The following MGAT4C variants were observed in gnomAD, a reference collection of about 807,000 sequenced individuals.
The protein encoded by MGAT4C is MGAT4 family member C.
In MGAT4C, 19 loss-of-function variants were observed where a neutral mutation model predicts 40.1. The observed-to-expected ratio is 0.47, with a 90% confidence interval of 0.33 to 0.70. The LOEUF (loss-of-function observed/expected upper bound fraction) is 0.70, where lower values mean the gene tolerates loss of function less well. Among genes scored for constraint, MGAT4C ranks in the 30% least tolerant of loss-of-function variants. The pLI is 0.02. For missense variants in MGAT4C, 491 were observed against 563.2 expected, an observed-to-expected ratio of 0.87 and a Z score of 1.30; for synonymous variants, 181 against 187.1, an observed-to-expected ratio of 0.97 and a Z score of 0.27.
At chr12:86,351,009 A>G (rs1186449913) in intron 3 of MGAT4C, among the ~76,000 whole-genome samples, 1 of 151,610 alleles carries the variant, frequency 6.6e-6, no homozygotes, top group Non-Finnish European at 1.5e-5. Context: ...CAAATATATG[A>G]TATGGAATAT....
intron 4 of MGAT4C, among the ~76,000 whole-genome samples, chr12:86,285,715 T>A (rs906885777): frequency 2.0e-5 from 3 of 151,996 alleles, no homozygotes; most frequent in African/African-American, 7.2e-5. Context: ...TAGAGATGTA[T>A]GTAAAGATCT....
intron 2 of MGAT4C, among the ~76,000 whole-genome samples, chr12:86,626,469 T>G (rs968798104): frequency 1.2e-4 from 19 of 152,174 alleles, no homozygotes; most frequent in Admixed American, 1.2e-3. Context: ...ATTAAACAAC[T>G]TATGCTGTTG....
At chr12:86,739,343 G>T (rs17014163) in intron 1 of MGAT4C, among the ~76,000 whole-genome samples, 63,420 of 149,990 alleles carry the variant, frequency 0.42, 13,627 homozygotes, top group African/African-American at 0.48. Flanking sequence ...TCAAATACAT[G>T]TTTATTCAAC....
intron 1 of MGAT4C, among the ~76,000 whole-genome samples, chr12:86,727,480 G>A (rs1323136231): frequency 6.6e-6 from 1 of 151,880 alleles, no homozygotes; most frequent in Admixed American, 6.6e-5. Flanking sequence ...TCCAGGAAAT[G>A]TTCTCAGATT....
chr12:86,152,700 A>G (rs897969427), intron 1 of MGAT4C, among the ~76,000 whole-genome samples: 1 of 152,198 alleles, frequency 6.6e-6, no homozygotes, highest in African/African-American at 2.4e-5. Flanking sequence ...GTATTTAGTG[A>G]TTTAGCAAGT....
chr12:86,763,442 A>C (rs1184540862), intron 1 of MGAT4C, among the ~76,000 whole-genome samples: 1 of 152,152 alleles, frequency 6.6e-6, no homozygotes, highest in Non-Finnish European at 1.5e-5. Flanking sequence ...ATATCATATT[A>C]ATGTGTTTCA....
At chr12:86,307,796 G>A (rs1470032205) in intron 4 of MGAT4C, among the ~76,000 whole-genome samples, 2 of 149,794 alleles carry the variant, frequency 1.3e-5, no homozygotes, top group Admixed American at 6.6e-5. Context: ...TCCACCTCCC[G>A]GGTTCACGCC....
intron 1 of MGAT4C, among the ~76,000 whole-genome samples, chr12:86,195,357 T>C (rs1405877608): frequency 6.6e-6 from 1 of 152,152 alleles, no homozygotes. Context: ...TAGGCCAGTC[T>C]TTCTTATTGG....
intron 2 of MGAT4C, among the ~76,000 whole-genome samples, chr12:86,489,539 C>T (rs1161045875): frequency 1.3e-5 from 2 of 152,224 alleles, no homozygotes. Flanking sequence ...CTGTGGACAG[C>T]AGACCTAAAA....
chr12:86,575,973 C>T (rs147305214), intron 2 of MGAT4C, among the ~76,000 whole-genome samples: 94 of 151,894 alleles, frequency 6.2e-4, no homozygotes, highest in African/African-American at 2.1e-3. Flanking sequence ...CCCATTTACC[C>T]ACATCCTTAT....
chr12:86,519,095 G>A (rs1308139544), intron 2 of MGAT4C, among the ~76,000 whole-genome samples: 1 of 152,116 alleles, frequency 6.6e-6, no homozygotes, highest in Non-Finnish European at 1.5e-5. Flanking sequence ...TGGTGAGATC[G>A]AAATTTTTAT....
At chr12:86,567,509 A>G (rs1424529837) in intron 2 of MGAT4C, among the ~76,000 whole-genome samples, 1 of 152,180 alleles carries the variant, frequency 6.6e-6, no homozygotes, top group African/African-American at 2.4e-5. Context: ...TATCAGTGGA[A>G]TACAGGAGAT....
intron 2 of MGAT4C, among the ~76,000 whole-genome samples, chr12:86,710,478 CTT>C (rs1248792183): frequency 6.6e-6 from 1 of 152,106 alleles, no homozygotes; most frequent in Non-Finnish European, 1.5e-5. Flanking sequence ...TTTATTGACT[CTT>C]TTGACTTTTT....
chr12:86,735,429 A>C (rs1431498900), intron 1 of MGAT4C, among the ~76,000 whole-genome samples: 1 of 151,876 alleles, frequency 6.6e-6, no homozygotes, highest in Non-Finnish European at 1.5e-5. Context: ...GGAGGTAGAC[A>C]CGGAAGCCAG....
At chr12:86,074,133 T>C (rs1869170995) in intron 1 of MGAT4C, among the ~76,000 whole-genome samples, 1 of 152,134 alleles carries the variant, frequency 6.6e-6, no homozygotes, top group Non-Finnish European at 1.5e-5. Context: ...CGCTTTCACA[T>C]CTTCCACATT....
intron 3 of MGAT4C, among the ~76,000 whole-genome samples, chr12:86,394,616 T>TTATATA (rs71076194): frequency 0.06 from 8,149 of 135,346 alleles, 332 homozygotes; most frequent in Non-Finnish European, 0.085. Flanking sequence ...TATATATACT[T>TTATATA]TATATATATA....
intron 2 of MGAT4C, among the ~76,000 whole-genome samples, chr12:86,019,695 A>G (rs1167088380): frequency 2.0e-5 from 3 of 152,110 alleles, no homozygotes; most frequent in Admixed American, 6.5e-5. Flanking sequence ...GTTCCATATG[A>G]ACTTTAAAGT....
At chr12:86,246,041 T>G (rs987540051) in intron 1 of MGAT4C, among the ~76,000 whole-genome samples, 2 of 152,144 alleles carry the variant, frequency 1.3e-5, no homozygotes, top group African/African-American at 4.8e-5. Flanking sequence ...TGTAGTAGTA[T>G]TTTCCAATCC....
chr12:86,277,780 C>T (rs1029074869), intron 4 of MGAT4C, among the ~76,000 whole-genome samples: 1 of 152,022 alleles, frequency 6.6e-6, no homozygotes, highest in African/African-American at 2.4e-5. Flanking sequence ...TAGGACCATG[C>T]TGTTTTGGTT....
Sources: gnomAD v4.1 joint callset for allele counts (sites outside exome capture counted in the v4.1 genomes callset) on GRCh38, gnomAD v4.1.1 for gene constraint, MANE v1.5 for transcripts, NCBI Gene and HGNC (gene_info 2026-07-23, HGNC 2026-07-21) for gene names.